Variants in PCDH15 observed in about 807,000 individuals in gnomAD.
The protein encoded by PCDH15 is protocadherin-15.
In PCDH15, 129 loss-of-function variants were observed where a neutral mutation model predicts 178.5. The ratio of observed to expected loss-of-function variants is 0.72; its 90% CI spans 0.63 to 0.84. The LOEUF is 0.84. Among genes scored for constraint, PCDH15 ranks in the 40% least tolerant of loss-of-function variants. The pLI, the probability that PCDH15 is intolerant of heterozygous loss-of-function variation, is 0.00. For missense variants in PCDH15, 2,230 were observed against 2,099.9 expected (o/e 1.06, Z -1.21); for synonymous variants, 800 against 732.0 (o/e 1.09, Z -1.50).
intron 1 of PCDH15, among the ~76,000 whole-genome samples, chr10:55,283,179 G>C (rs975472130): frequency 4.2e-4 from 64 of 151,968 alleles, no homozygotes; most frequent in Non-Finnish European, 6.6e-4. Flanking sequence ...GAGATATTTC[G>C]CAGACCCTGC....
chr10:55,271,018 A>C (rs1174335427), intron 1 of PCDH15, among the ~76,000 whole-genome samples: 2 of 152,092 alleles, frequency 1.3e-5, no homozygotes, highest in Non-Finnish European at 2.9e-5. Context: ...CCATAATCCT[A>C]AGCAAATTAA....
intron 2 of PCDH15, among the ~76,000 whole-genome samples, chr10:54,542,970 G>A (rs937230321): frequency 1.8e-4 from 27 of 152,128 alleles, no homozygotes; most frequent in Admixed American, 2.6e-4. Flanking sequence ...AGACATAAGC[G>A]GCTCCTAGAC....
At chr10:55,487,303 G>A (rs1400329562) in intron 2 of PCDH15, among the ~76,000 whole-genome samples, 1 of 151,380 alleles carries the variant, frequency 6.6e-6, no homozygotes, top group Non-Finnish European at 1.5e-5. Flanking sequence ...CCCACTTCTG[G>A]GGCACAATCT....
intron 2 of PCDH15, among the ~76,000 whole-genome samples, chr10:54,553,550 A>C (rs951991276): frequency 2.0e-5 from 3 of 152,160 alleles, no homozygotes; most frequent in African/African-American, 7.2e-5. Context: ...AGTCTCTAAG[A>C]GGAGGTTTAT....
chr10:55,623,563 G>A (rs1049231629), intron 2 of PCDH15, among the ~76,000 whole-genome samples: 6 of 151,936 alleles, frequency 3.9e-5, no homozygotes, highest in African/African-American at 4.8e-5. Flanking sequence ...GGACAGGGAT[G>A]AGAATATATA....
chr10:54,967,629 G>T (rs564361333), intron 2 of PCDH15, among the ~76,000 whole-genome samples: 18 of 152,166 alleles, frequency 1.2e-4, no homozygotes, highest in African/African-American at 4.3e-4. Context: ...AGATATTTGG[G>T]TTGTTTCCAT....
intron 1 of PCDH15, among the ~76,000 whole-genome samples, chr10:54,731,542 A>ATATATATATATATATAAT: frequency 3.9e-5 from 1 of 25,376 alleles, no homozygotes; most frequent in African/African-American, 1.1e-4. Flanking sequence ...AAAATGTGAG[A>ATATATATATATATATAAT]TAGATATATA....
intron 2 of PCDH15, among the ~76,000 whole-genome samples, chr10:55,587,117 ATTG>A (rs570620066): frequency 8.6e-4 from 131 of 152,166 alleles, no homozygotes; most frequent in Admixed American, 2.6e-3. Context: ...CCTTTTTTGT[ATTG>A]TTAACAGGGA....
chr10:55,261,067 A>G (rs558136724), intron 1 of PCDH15, among the ~76,000 whole-genome samples: 3 of 152,304 alleles, frequency 2.0e-5, no homozygotes, highest in African/African-American at 4.8e-5. Flanking sequence ...TGGCTAAAAA[A>G]CAAGAAACAG....
chr10:54,422,002 T>G (rs1171288116), intron 3 of PCDH15, among the ~76,000 whole-genome samples: 1 of 147,928 alleles, frequency 6.8e-6, no homozygotes, highest in Admixed American at 6.8e-5. Context: ...TTTTAAAAAT[T>G]TTAACTTTGC....
intron 1 of PCDH15, among the ~76,000 whole-genome samples, chr10:54,692,348 T>C (rs2095137376): frequency 5.9e-5 from 9 of 152,218 alleles, no homozygotes; most frequent in Admixed American, 5.9e-4. Flanking sequence ...ACTTTGTATC[T>C]TAAACTAGTA....
At chr10:53,870,745 G>A (rs2079779731) in intron 26 of PCDH15, among the ~76,000 whole-genome samples, 1 of 152,266 alleles carries the variant, frequency 6.6e-6, no homozygotes, top group South Asian at 2.1e-4. Flanking sequence ...TCTGATTGAT[G>A]TGGAGCATAT....
chr10:54,831,541 A>G (rs1275470565), intron 3 of PCDH15, among the ~76,000 whole-genome samples: 1 of 151,408 alleles, frequency 6.6e-6, no homozygotes, highest in Non-Finnish European at 1.5e-5. Context: ...CACAACACAA[A>G]TTTTCAATGT....
At chr10:53,956,924 G>A (rs1219381039) in intron 23 of PCDH15, among the ~76,000 whole-genome samples, 2 of 152,138 alleles carry the variant, frequency 1.3e-5, no homozygotes, top group Admixed American at 6.5e-5. Flanking sequence ...TAAATTATAC[G>A]TTGAACAACA....
In PCDH15 at chr10:55,308,276, A is replaced by G. The variant is rs138184044; in HGVS notation, c.-156+11323T>C. Among the ~76,000 whole-genome samples the G allele has an allele frequency of 1.9e-3, 287 of 152,256 alleles. 3 individuals carry two copies. Among genetic ancestry groups the G allele is most frequent in the African/African-American group, 6.1e-3 (255 of 41,544 alleles). On this transcript the variant is annotated intron_variant, in intron 1 of 5. Coordinates refer to the PCDH15 transcript ENST00000458638. ...GCGGTGAATTATTGAGCTCACCACT[A>G]CCAGACAGGGCACACAAGTGGAGAA... is the stretch of plus-strand genomic sequence containing the variant.
At chr10:53,815,269 A>G (rs925435426) in intron 35 of PCDH15, among the ~76,000 whole-genome samples, 2 of 152,206 alleles carry the variant, frequency 1.3e-5, no homozygotes, top group African/African-American at 4.8e-5. Context: ...CAAAACAAAA[A>G]CAACAACAAT....
At chr10:54,188,057 G>A (rs971296983) in intron 11 of PCDH15, among the ~76,000 whole-genome samples, 17 of 151,636 alleles carry the variant, frequency 1.1e-4, no homozygotes, top group African/African-American at 4.1e-4. Flanking sequence ...CTAACCTATT[G>A]TTTTGATTGA....
intron 16 of PCDH15, among the ~76,000 whole-genome samples, chr10:54,082,134 T>C (rs1201443397): frequency 6.6e-6 from 1 of 152,142 alleles, no homozygotes; most frequent in Non-Finnish European, 1.5e-5. Flanking sequence ...GAGCGAGCTA[T>C]CCTTATTCAT....
rs139947111 is a variant in PCDH15, at chr10:55,480,066, T to C, written c.-156+147559A>G. On this transcript the variant is annotated intron_variant, in intron 2 of 5. Transcript: ENST00000613346. Reference sequence around the variant, plus strand: ...CAATGGTAGTTTAATGAGAAAAACATTGAATCTATAAATTGCTTTGGGTAG... The same window carrying C: ...CAATGGTAGTTTAATGAGAAAAACACTGAATCTATAAATTGCTTTGGGTAG... Among the ~76,000 whole-genome samples, 642 of 151,850 alleles carry C rather than the reference T, an allele frequency of 4.2e-3. 10 individuals carry two copies. The highest frequency in any genetic ancestry group is 0.015 in the African/African-American group (611 of 41,484).
Sources: allele counts gnomAD v4.1 joint callset (sites outside exome capture counted in the v4.1 genomes callset), GRCh38; gene constraint gnomAD v4.1.1; transcripts MANE v1.5; gene names NCBI Gene and HGNC (gene_info 2026-07-23, HGNC 2026-07-21).